Variants in NRK observed in about 807,000 individuals in gnomAD.
NRK encodes the protein Nik related kinase.
NRK carries 67 observed loss-of-function variants against 125.2 expected under a neutral mutation model. The observed-to-expected ratio is 0.54, with a 90% CI of 0.44 to 0.66. NRK has a LOEUF of 0.66. Among genes scored for constraint, NRK ranks in the 30% least tolerant of loss-of-function variants. NRK has a pLI of 0.00. For synonymous variants in NRK, 458 were observed against 429.0 expected (o/e 1.07, Z -0.84); for missense variants, 1,224 against 1,192.9 (o/e 1.03, Z -0.38).
At chrX:105,944,214 G>T (rs769467076) in intron 24 of NRK, among the ~76,000 whole-genome samples, 173 bp downstream of exon 24, 1 of 110,575 alleles carries the variant, frequency 9.0e-6, no homozygotes, top group African/African-American at 3.3e-5. Context: ...TAGATACAGG[G>T]TCTCACTCTC....
chrX:105,891,199 C>A (rs933101343), intron 5 of NRK, among the ~76,000 whole-genome samples: 12 of 111,262 alleles, frequency 1.1e-4, no homozygotes, highest in Non-Finnish European at 2.1e-4. Flanking sequence ...AGTCATTATG[C>A]CTGGTGTATC....
intron 16 of NRK, among the ~76,000 whole-genome samples, chrX:105,919,002 G>GA (rs57376881): frequency 0.04 from 1,571 of 39,425 alleles, 25 homozygotes; most frequent in African/African-American, 0.064. Flanking sequence ...ATGGTTTCCT[G>GA]AAAAAAAAAA....
At chrX:105,921,738 A>C (rs1041105669) in intron 16 of NRK, among the ~76,000 whole-genome samples, 1 of 109,676 alleles carries the variant, frequency 9.1e-6, no homozygotes, top group African/African-American at 3.3e-5. Context: ...CAGCCATGTA[A>C]GTCTACAGAT....
At chrX:105,948,093 T>TG (rs1203896336) in intron 26 of NRK, among the ~76,000 whole-genome samples, 1 of 111,535 alleles carries the variant, frequency 9.0e-6, no homozygotes, top group African/African-American at 3.3e-5. Context: ...TTTTAAATGT[T>TG]GCGTCAGATA....
intron 2 of NRK, among the ~76,000 whole-genome samples, chrX:105,879,886 C>T (rs1335743838): frequency 9.1e-6 from 1 of 110,429 alleles, no homozygotes; most frequent in Non-Finnish European, 1.9e-5. Context: ...GCCATGCAAA[C>T]CTAGATTAAA....
intron 2 of NRK, among the ~76,000 whole-genome samples, chrX:105,836,854 G>A (rs1373740896): frequency 8.9e-6 from 1 of 111,927 alleles, no homozygotes; most frequent in Non-Finnish European, 1.9e-5. Flanking sequence ...CTTGGGAGGT[G>A]CTATAAAATA....
chrX:105,860,580 A>G (rs2039589519), intron 2 of NRK, among the ~76,000 whole-genome samples: 1 of 110,123 alleles, frequency 9.1e-6, no homozygotes, highest in Admixed American at 9.7e-5. Flanking sequence ...CCCTGCCCCC[A>G]GCCACTGGCA....
intron 26 of NRK, chrX:105,948,777 C>T: frequency 1.5e-5 from 6 of 394,373 alleles, no homozygotes; most frequent in East Asian, 4.3e-5. Context: ...TAGTTTCTGA[C>T]TTTTTTTTTT....
At chrX:105,882,905 A>G (rs1324955662) in intron 4 of NRK, among the ~76,000 whole-genome samples, 1 of 112,290 alleles carries the variant, frequency 8.9e-6, no homozygotes, top group Non-Finnish European at 1.9e-5. Flanking sequence ...TTGTGCTAAT[A>G]AAACTTTTTT....
chrX:105,870,066 A>G (rs970877927), intron 2 of NRK, among the ~76,000 whole-genome samples: 5 of 111,505 alleles, frequency 4.5e-5, no homozygotes, highest in African/African-American at 1.6e-4. Flanking sequence ...TATACAATCT[A>G]CCATAGTGGG....
chrX:105,883,361 A>G (rs1022969602), intron 4 of NRK, among the ~76,000 whole-genome samples: 18 of 112,335 alleles, frequency 1.6e-4, no homozygotes, highest in African/African-American at 5.8e-4. Context: ...CTGCTAGCTA[A>G]TCATCCAGTT....
chrX:105,937,462 C>T lies in NRK; in HGVS notation c.3679C>T (p.Arg1227Ter), dbSNP rs765930296. 2.5e-6 allele frequency: 3 copies of T among 1,185,199 alleles called. No individual in the cohort carries two copies. The highest frequency in any genetic ancestry group is 1.1e-6 in the Non-Finnish European group (1 of 877,154). Residue 1227 changes from arginine (R) to a stop codon, truncating the protein, a stop_gained, in exon 22 of 29, where the codon CGA becomes TGA. Coordinates refer to ENST00000243300, the MANE Select transcript of NRK (RefSeq NM_198465.4). LOFTEE classifies it high-confidence loss of function. ...LWGVNLLLGTRSNLYLMDRSG... is the reference protein window; with the variant it reads ...LWGVNLLLGT ...AGGAGTCAATTTGCTGTTGGGAACC[C>T]GATCTAATCTATATCTGATGGACAG...
At chrX:105,947,909 A>G (rs1032172583) in intron 26 of NRK, among the ~76,000 whole-genome samples, 1 of 109,505 alleles carries the variant, frequency 9.1e-6, no homozygotes, top group Non-Finnish European at 1.9e-5. Context: ...TAATTAGCTT[A>G]TTACTCAGTT....
intron 2 of NRK, among the ~76,000 whole-genome samples, chrX:105,874,713 C>T (rs1351869937): frequency 1.8e-5 from 2 of 111,484 alleles, no homozygotes; most frequent in African/African-American, 3.3e-5. Context: ...ATATTCTTTT[C>T]GTAGGACAGA....
At chrX:105,837,292 T>G (rs1233974432) in intron 2 of NRK, among the ~76,000 whole-genome samples, 1 of 111,807 alleles carries the variant, frequency 8.9e-6, no homozygotes, top group Non-Finnish European at 1.9e-5. Flanking sequence ...TATTAGACAG[T>G]ACCAAATGTT....
chrX:105,924,899 T>C lies in NRK; in HGVS notation c.3180T>C (p.Asp1060=). Residue 1060 remains aspartate (D), a synonymous_variant, in exon 19 of 29, where the codon GAT becomes GAC. Coordinates refer to ENST00000243300, the MANE Select transcript of NRK (RefSeq NM_198465.4). ...GTGAAAGAAGAGGCAGTGAGGGTGA[T>C]GGAGGTAAGGGAGTCGTTCGAACCA... The part of the protein sequence containing the change: ...IGSERRGSEG[D]GGKGVVRTSE... The C allele has an allele frequency of 8.3e-7, 1 of 1,210,385 alleles. No homozygotes were observed. Among genetic ancestry groups the C allele is most frequent in the Non-Finnish European group, 1.1e-6 (1 of 894,592 alleles).
chrX:105,912,543 A>G (rs2040314868), intron 13 of NRK, 105 bp from the exon 14 acceptor site: 3 of 225,247 alleles, frequency 1.3e-5, no homozygotes, highest in Non-Finnish European at 2.4e-5. Flanking sequence ...TAAATTATAT[A>G]TTATATAATA....
intron 5 of NRK, among the ~76,000 whole-genome samples, chrX:105,890,224 A>G (rs1005950477): frequency 3.6e-5 from 4 of 111,824 alleles, no homozygotes; most frequent in African/African-American, 6.5e-5. Flanking sequence ...CCAGTTCCCA[A>G]CAAATTTCTC....
chrX:105,941,655 C>CT (rs2040744243), intron 23 of NRK, among the ~76,000 whole-genome samples: 1 of 108,586 alleles, frequency 9.2e-6, no homozygotes, highest in Non-Finnish European at 1.9e-5. Context: ...AAGTATAAAT[C>CT]TATCGGGTAA....
Sources: allele counts gnomAD v4.1 joint callset (sites outside exome capture counted in the v4.1 genomes callset), GRCh38; gene constraint gnomAD v4.1.1; transcripts MANE v1.5; gene names NCBI Gene and HGNC (gene_info 2026-07-23, HGNC 2026-07-21).